QRICH2: variants seen among roughly 807,000 people sequenced by gnomAD.
QRICH2 encodes glutamine rich 2.
QRICH2 carries 119 observed loss-of-function variants against 168.3 expected under a neutral mutation model. The observed-to-expected ratio is 0.71, with a 90% CI of 0.61 to 0.82. QRICH2 has a LOEUF of 0.82. Among genes scored for constraint, QRICH2 ranks in the 40% least tolerant of loss-of-function variants. The pLI is 0.00. For synonymous variants in QRICH2, 894 were observed against 951.2 expected (o/e 0.94, Z 1.11); for missense variants, 2,241 against 2,491.6 (o/e 0.90, Z 2.14).
In QRICH2 at chr17:76,291,556, G is replaced by C. The variant is rs1270297325; in HGVS notation, c.3171C>G (p.Asp1057Glu). Residue 1057 changes from aspartate (D) to glutamate (E), a missense_variant, in exon 4 of 19, where the codon GAC becomes GAG. This residue lies in a region of QRICH2 where 2,047 missense variants were observed against 2,303.8 expected (regional missense o/e 0.89). Transcript: ENST00000680821. ...YQQGLMHPGT[D>E]QHSPIPLSTG... Reference sequence around the variant, plus strand: ...TACTCAGTGGTATTGGGCTGTGCTGGTCTGTGCCAGGATGCATCAAACCTT... The same window carrying C: ...TACTCAGTGGTATTGGGCTGTGCTGCTCTGTGCCAGGATGCATCAAACCTT... 1 of 1,613,978 alleles carries C rather than the reference G, an allele frequency of 6.2e-7. No homozygotes were observed. The highest frequency in any genetic ancestry group is 8.5e-7 in the Non-Finnish European group (1 of 1,180,026).
intron 3 of QRICH2, among the ~76,000 whole-genome samples, chr17:76,298,664 G>A (rs1019908109): frequency 6.6e-6 from 1 of 151,894 alleles, no homozygotes; most frequent in Admixed American, 6.6e-5. Context: ...CGCCCAGGCT[G>A]GAGTTCAGTG....
chr17:76,300,274 G>A (rs2070877449), intron 3 of QRICH2, among the ~76,000 whole-genome samples: 1 of 152,142 alleles, frequency 6.6e-6, no homozygotes, highest in African/African-American at 2.4e-5. Flanking sequence ...AGGTAAGAAA[G>A]CATGTGCGTT....
chr17:76,306,296 G>A (rs950632981), intron 1 of QRICH2, among the ~76,000 whole-genome samples: 8 of 151,972 alleles, frequency 5.3e-5, no homozygotes, highest in African/African-American at 1.7e-4. Flanking sequence ...CTGCGGTCTC[G>A]AGACCTGGGG....
At chr17:76,296,554 G>T (rs1175441680) in intron 3 of QRICH2, among the ~76,000 whole-genome samples, 3 of 152,062 alleles carry the variant, frequency 2.0e-5, no homozygotes, top group African/African-American at 7.2e-5. Context: ...TCAGTGGGTG[G>T]ATTACCCGAG....
intron 12 of QRICH2, among the ~76,000 whole-genome samples, chr17:76,279,630 G>T (rs1324041556): frequency 6.6e-6 from 1 of 152,132 alleles, no homozygotes; most frequent in Non-Finnish European, 1.5e-5. Context: ...CTTCCCATGG[G>T]CCCCTGAGGG....
At chr17:76,290,538 GC>G (rs2070968278) in intron 4 of QRICH2, among the ~76,000 whole-genome samples, 1 of 151,364 alleles carries the variant, frequency 6.6e-6, no homozygotes, top group Non-Finnish European at 1.5e-5. Context: ...GTGCCACCAC[GC>G]CTGGCTAATT....
In QRICH2 at chr17:76,280,414, C is replaced by T. The variant is rs368756035; in HGVS notation, c.4499G>A (p.Arg1500His). 2.5e-5 allele frequency: 40 copies of T among 1,614,156 alleles called. No individual in the cohort carries two copies. The highest frequency in any genetic ancestry group is 1.8e-4 in the East Asian group (8 of 44,884). Residue 1500 changes from arginine (R) to histidine (H), a missense_variant, in exon 11 of 19, where the codon CGT becomes CAT. Around this residue, in one of 3 missense-constraint regions of QRICH2, gnomAD observed 2,047 missense variants for 2,303.8 expected, o/e 0.89. Coordinates refer to ENST00000680821, the MANE Select transcript of QRICH2 (RefSeq NM_001388453.1). This position sits in a 1 kb window ranked among gnomAD's most constrained non-coding sequence, Gnocchi z 7.4. ...CTCCGTGGTGGCATCAAACTGGACA[C>T]GGCTCACTTTGGTGGCCAGAGCACT... is the stretch of plus-strand genomic sequence containing the variant. Reference protein sequence around the residue: ...DKSALATKVSRVQFDATTEQL... With the variant: ...DKSALATKVSHVQFDATTEQL...
At position 76,304,875 on chromosome 17, in the gene QRICH2, G is replaced by A. The variant is rs772214228; in HGVS notation, c.594+7C>T. On this transcript the variant is annotated splice_region_variant and intron_variant, in intron 2 of 18. Transcript: ENST00000680821. Reference sequence around the variant, plus strand: ...GAGCCCTTTCCCATGGAACTGGCTGGTATTACCAGGAATTGCTCCCGATCT... The same window carrying A: ...GAGCCCTTTCCCATGGAACTGGCTGATATTACCAGGAATTGCTCCCGATCT... 1.0e-5 allele frequency: 16 copies of A among 1,604,798 alleles called. No individual in the cohort carries two copies. The highest frequency in any genetic ancestry group is 1.3e-5 in the African/African-American group (1 of 74,668).
At chr17:76,278,291 C>T (rs1196400945) in intron 14 of QRICH2, 102 bp from the exon 15 acceptor site, 1 of 1,219,574 alleles carries the variant, frequency 8.2e-7, no homozygotes, top group African/African-American at 1.5e-5. Context: ...TGTGCAGGAC[C>T]CAGCTAGGCT....
rs1176705814 is a variant in QRICH2 at position 76,293,821 on chromosome 17, T to C, written c.906A>G (p.Glu302=). 1.9e-6 allele frequency: 3 copies of C among 1,613,924 alleles called. No homozygotes were observed. The highest frequency in any genetic ancestry group is 2.5e-6 in the Non-Finnish European group (3 of 1,179,988). ...AHPSDGVSSR[E]QSKVPSGTGR... ...CAGTACCAGAGGGGACCTTGCTTTG[T>C]TCCCTACTGGAAACCCCATCAGAGG... Residue 302 remains glutamate (E), a synonymous_variant, in exon 4 of 19, where the codon GAA becomes GAG. Transcript: ENST00000680821.
Position 76,280,268 on chromosome 17 carries a change from C to T in QRICH2, c.4626+19G>A, listed in dbSNP as rs756861534. ...GGCAAGGCTGTGGGATGGAGAGCCC[C>T]GCCATGCCCCTGCCTCACCTTGTTG... is the stretch of plus-strand genomic sequence containing the variant. On this transcript the variant is annotated intron_variant, in intron 11 of 18. Coordinates refer to ENST00000680821, the MANE Select transcript of QRICH2 (RefSeq NM_001388453.1). The surrounding 1 kb of genome is among the most constrained non-coding windows in gnomAD (Gnocchi z 7.4). 1.2e-5 allele frequency: 20 copies of T among 1,612,810 alleles called. No individual in the cohort carries two copies. Among genetic ancestry groups the T allele is most frequent in the South Asian group, 2.2e-5 (2 of 90,902 alleles).
At chr17:76,299,727 A>G (rs998895949) in intron 3 of QRICH2, among the ~76,000 whole-genome samples, 2 of 152,002 alleles carry the variant, frequency 1.3e-5, no homozygotes, top group African/African-American at 4.8e-5. Context: ...ACAAAGCAAG[A>G]CTGTCTCAAA....
At chr17:76,300,689 G>A (rs992723298) in intron 3 of QRICH2, among the ~76,000 whole-genome samples, 1 of 152,128 alleles carries the variant, frequency 6.6e-6, no homozygotes, top group Non-Finnish European at 1.5e-5. Context: ...GGGAGGCCAA[G>A]GCTGGCAGAC....
At chr17:76,298,026 T>G (rs575559729) in intron 3 of QRICH2, among the ~76,000 whole-genome samples, 1 of 147,538 alleles carries the variant, frequency 6.8e-6, no homozygotes, top group African/African-American at 2.6e-5. Flanking sequence ...CGCACCACCA[T>G]GCCCGGCTAA....
chr17:76,283,372 C>G (rs753291651), intron 7 of QRICH2, among the ~76,000 whole-genome samples: 2 of 152,082 alleles, frequency 1.3e-5, no homozygotes, highest in Non-Finnish European at 2.9e-5. Flanking sequence ...AGTGGGGCCT[C>G]CAAAAAAAGC....
Position 76,292,882 on chromosome 17 carries a change from T to G in QRICH2, c.1845A>C (p.Ala615=). Residue 615 remains alanine (A), a synonymous_variant, in exon 4 of 19, where the codon GCA becomes GCC. Coordinates refer to ENST00000680821, the MANE Select transcript of QRICH2 (RefSeq NM_001388453.1). ...CAGGCCAGACCAAACCACGCTGATC[T>G]GCACCAGGTTGGGCCAAACCAGACT... is the stretch of plus-strand genomic sequence containing the variant. ...MDQSGLAQPG[A]DQRGLVWPGM... 2 of 1,601,960 alleles carry G rather than the reference T, an allele frequency of 1.2e-6. No homozygotes were observed. Among genetic ancestry groups the G allele is most frequent in the Non-Finnish European group, 1.7e-6 (2 of 1,179,332 alleles).
intron 3 of QRICH2, among the ~76,000 whole-genome samples, chr17:76,298,031 G>A (rs1224544978): frequency 1.3e-5 from 2 of 148,742 alleles, no homozygotes; most frequent in East Asian, 1.9e-4. Context: ...CACCATGCCC[G>A]GCTAATTTTT....
upstream of QRICH2, chr17:76,309,737 T>C (rs1256500670): frequency 6.6e-6 from 1 of 152,230 alleles, no homozygotes; most frequent in African/African-American, 2.4e-5. Flanking sequence ...GCATAGCTTA[T>C]ATGCAGATAC....
chr17:76,279,549 C>G, intron 12 of QRICH2, 121 bp from the exon 13 acceptor site: 7 of 730,888 alleles, frequency 9.6e-6, no homozygotes, highest in Non-Finnish European at 1.6e-5. Flanking sequence ...TCCCTGCTCC[C>G]CAGGAATCCA....
Sources: allele counts gnomAD v4.1 joint callset (sites outside exome capture counted in the v4.1 genomes callset), GRCh38; gene constraint gnomAD v4.1.1; regional missense constraint gnomAD v4.1.1; non-coding constraint Gnocchi (gnomAD v3.1); transcripts MANE v1.5; gene names NCBI Gene and HGNC (gene_info 2026-07-23, HGNC 2026-07-21).